KLF12: variants seen among roughly 807,000 people sequenced by gnomAD.
KLF12 encodes the protein Krueppel-like factor 12.
KLF12 carries 9 observed loss-of-function variants against 37.8 expected under a neutral mutation model. The ratio of observed to expected loss-of-function variants is 0.24; its 90% confidence interval spans 0.14 to 0.42. The LOEUF (loss-of-function observed/expected upper bound fraction) is 0.42. Among genes scored for constraint, KLF12 ranks in the 10% least tolerant of loss-of-function variants. KLF12 has a pLI of 1.00. For missense variants in KLF12, 411 were observed against 516.0 expected (o/e 0.80, Z 1.97); for synonymous variants, 208 against 202.1 (o/e 1.03, Z -0.25).
chr13:74,134,981 G>GGCGCCGGGCATCGCCC (rs1377482163), upstream of KLF12, among the ~76,000 whole-genome samples: 3 of 151,550 alleles, frequency 2.0e-5, no homozygotes, highest in South Asian at 2.1e-4. Context: ...ACCGCCCCTG[G>GGCGCCGGGCATCGCCC]GCGCCGGGCA....
At chr13:74,001,706 TA>T (rs1471220075) in intron 1 of KLF12, among the ~76,000 whole-genome samples, 1 of 152,240 alleles carries the variant, frequency 6.6e-6, no homozygotes, top group East Asian at 1.9e-4. Flanking sequence ...AATAGTTGAT[TA>T]AAATATGTTG....
At chr13:74,273,497 GT>G in the KLF12 span, among the ~76,000 whole-genome samples, 1 of 150,204 alleles carries the variant, frequency 6.7e-6, no homozygotes, top group Non-Finnish European at 1.5e-5. Context: ...TATTTGTGAA[GT>G]TTTCCCTTTA....
Position 73,813,135 on chromosome 13 carries a change from G to A in KLF12, c.806+17C>T. On this transcript the variant is annotated intron_variant, in intron 5 of 7. Coordinates refer to ENST00000377669, the MANE Select transcript of KLF12 (RefSeq NM_007249.5). ...ACCTTGGCAATTCTTAATTCATCCT[G>A]TGAATGTGATACTTACTCTTGTACT... 2 of 1,612,046 alleles carry A rather than the reference G, an allele frequency of 1.2e-6. No homozygotes were observed. The highest frequency in any genetic ancestry group is 1.7e-6 in the Non-Finnish European group (2 of 1,178,510).
At chr13:73,853,318 T>C (rs2138740406) in intron 3 of KLF12, among the ~76,000 whole-genome samples, 1 of 152,354 alleles carries the variant, frequency 6.6e-6, no homozygotes, top group African/African-American at 2.4e-5. Flanking sequence ...ATTATTTACC[T>C]GAAGCAAATC....
the KLF12 span, among the ~76,000 whole-genome samples, chr13:74,205,649 C>T: frequency 1.3e-5 from 2 of 152,124 alleles, no homozygotes; most frequent in African/African-American, 4.8e-5. Flanking sequence ...ACTTTCTTGA[C>T]CCTGACGTAG....
At chr13:73,821,693 C>T (rs953640886) in intron 4 of KLF12, among the ~76,000 whole-genome samples, 23 of 152,082 alleles carry the variant, frequency 1.5e-4, no homozygotes, top group Admixed American at 1.2e-3. Flanking sequence ...CACTGTCTAC[C>T]GAATATGGTT....
chr13:73,918,133 A>G (rs1389439174), intron 3 of KLF12, among the ~76,000 whole-genome samples: 1 of 152,112 alleles, frequency 6.6e-6, no homozygotes, highest in East Asian at 1.9e-4. Flanking sequence ...AGAGAGAGAG[A>G]GAGAGATGTA....
At chr13:73,983,504 C>CGA (rs757263682) in intron 2 of KLF12, among the ~76,000 whole-genome samples, 29 of 152,324 alleles carry the variant, frequency 1.9e-4, no homozygotes, top group Non-Finnish European at 4.0e-4. Context: ...AATCTTGCCT[C>CGA]TAACTTACTC....
At chr13:73,945,890 TG>T (rs1450552053) in intron 2 of KLF12, among the ~76,000 whole-genome samples, 1 of 152,168 alleles carries the variant, frequency 6.6e-6, no homozygotes, top group Non-Finnish European at 1.5e-5. Context: ...ATATTACTGG[TG>T]AGCTTGGGTG....
At chr13:73,725,872 TTTATTTA>T (rs869270486) in intron 6 of KLF12, among the ~76,000 whole-genome samples, 2 of 147,550 alleles carry the variant, frequency 1.4e-5, no homozygotes, top group Admixed American at 6.7e-5. Flanking sequence ...TATTTATTTA[TTTATTTA>T]TTTTTTGAGA....
chr13:74,054,129 T>C (rs1873101303), intron 1 of KLF12, among the ~76,000 whole-genome samples: 1 of 152,154 alleles, frequency 6.6e-6, no homozygotes, highest in Non-Finnish European at 1.5e-5. Context: ...TATTTCATAC[T>C]ACTCACAGTA....
the KLF12 span, among the ~76,000 whole-genome samples, chr13:74,227,180 C>CT: frequency 6.6e-6 from 1 of 152,106 alleles, no homozygotes; most frequent in Non-Finnish European, 1.5e-5. Context: ...TGTGACAGTG[C>CT]TTTTGTTCCT....
intron 1 of KLF12, among the ~76,000 whole-genome samples, chr13:74,128,315 T>C (rs951706776): frequency 3.3e-5 from 5 of 152,200 alleles, no homozygotes; most frequent in Admixed American, 1.3e-4. Flanking sequence ...GTAATTTATA[T>C]GCTCACTTTG....
At chr13:73,726,947 G>A (rs369238896) in intron 6 of KLF12, among the ~76,000 whole-genome samples, 6 of 152,092 alleles carry the variant, frequency 3.9e-5, no homozygotes, top group Non-Finnish European at 7.4e-5. Context: ...CCTCACCAAC[G>A]CATAATGTCA....
the KLF12 span, among the ~76,000 whole-genome samples, chr13:74,267,114 T>C: frequency 2.0e-5 from 3 of 152,210 alleles, no homozygotes; most frequent in Non-Finnish European, 4.4e-5. Flanking sequence ...TATGTAGCAA[T>C]GGTGATAGTG....
At chr13:73,947,648 C>CAAAAAAA in intron 2 of KLF12, among the ~76,000 whole-genome samples, 1 of 85,898 alleles carries the variant, frequency 1.2e-5, no homozygotes, top group Non-Finnish European at 2.1e-5. Context: ...GAGACGGTCT[C>CAAAAAAA]AAAAAAAAAA....
the KLF12 span, among the ~76,000 whole-genome samples, chr13:74,298,948 G>T: frequency 6.6e-6 from 1 of 152,076 alleles, no homozygotes; most frequent in Non-Finnish European, 1.5e-5. Context: ...TTTGTCCAAA[G>T]ATTACAGTTA....
At chr13:74,213,419 T>C in the KLF12 span, among the ~76,000 whole-genome samples, 1 of 152,210 alleles carries the variant, frequency 6.6e-6, no homozygotes, top group Non-Finnish European at 1.5e-5. Flanking sequence ...AATTCTTGTT[T>C]ATTTTTGCTT....
chr13:74,296,417 G>A, the KLF12 span, among the ~76,000 whole-genome samples: 1 of 152,122 alleles, frequency 6.6e-6, no homozygotes, highest in South Asian at 2.1e-4. Flanking sequence ...AAACATAGAT[G>A]AAAAGTGTGG....
Sources: allele counts gnomAD v4.1 joint callset (sites outside exome capture counted in the v4.1 genomes callset), GRCh38; gene constraint gnomAD v4.1.1; transcripts MANE v1.5; gene names NCBI Gene and HGNC (gene_info 2026-07-23, HGNC 2026-07-21).